NCAM2: variants seen among roughly 807,000 people sequenced by gnomAD.
NCAM2 encodes N-CAM-2.
Under a neutral mutation model 98.1 loss-of-function variants are expected in NCAM2, and 30 were observed. That is an observed-to-expected ratio of 0.31 (90% CI 0.23 to 0.41). The LOEUF (loss-of-function observed/expected upper bound fraction) is 0.41, where lower values mean the gene tolerates loss of function less well. NCAM2 is among the 10% of genes least tolerant of loss of function. NCAM2 has a pLI of 1.00. For synonymous variants in NCAM2, 368 were observed against 342.4 expected (o/e 1.07, Z -0.83); for missense variants, 867 against 1,005.8 (o/e 0.86, Z 1.87).
chr21:21,121,676 G>A (rs2066677323), intron 1 of NCAM2, among the ~76,000 whole-genome samples: 1 of 152,086 alleles, frequency 6.6e-6, no homozygotes, highest in African/African-American at 2.4e-5. Flanking sequence ...GCCAGTTGAA[G>A]CAAAAAAGGA....
intron 6 of NCAM2, among the ~76,000 whole-genome samples, chr21:21,335,158 A>G (rs890840582): frequency 6.6e-6 from 1 of 152,232 alleles, no homozygotes; most frequent in African/African-American, 2.4e-5. Context: ...TTGTCTCACC[A>G]ACATTTAATT....
intron 1 of NCAM2, among the ~76,000 whole-genome samples, chr21:21,084,960 T>C (rs1443815331): frequency 6.6e-6 from 1 of 152,190 alleles, no homozygotes; most frequent in Non-Finnish European, 1.5e-5. Flanking sequence ...ACTGTGCTGG[T>C]GTGATTTTAC....
chr21:21,054,312 C>G (rs2065171302), intron 1 of NCAM2, among the ~76,000 whole-genome samples: 1 of 151,900 alleles, frequency 6.6e-6, no homozygotes, highest in Non-Finnish European at 1.5e-5. Context: ...GATATTCAAA[C>G]AGATGGGTTA....
chr21:21,258,568 AC>A (rs760776305), intron 1 of NCAM2, among the ~76,000 whole-genome samples: 1 of 152,114 alleles, frequency 6.6e-6, no homozygotes, highest in African/African-American at 2.4e-5. Flanking sequence ...GAGGCCCTCC[AC>A]CCTCAGGACC....
intron 9 of NCAM2, among the ~76,000 whole-genome samples, chr21:21,388,551 T>A (rs769067354): frequency 2.0e-5 from 3 of 152,124 alleles, no homozygotes; most frequent in Non-Finnish European, 4.4e-5. Flanking sequence ...CCAGATGTTA[T>A]AGAGATGTGC....
intron 1 of NCAM2, chr21:21,210,586 C>T: frequency 7.8e-7 from 1 of 1,288,864 alleles, no homozygotes; most frequent in African/African-American, 1.5e-5. Flanking sequence ...TTCAGGAGGA[C>T]AAGTTTACCT....
intron 1 of NCAM2, among the ~76,000 whole-genome samples, chr21:21,212,839 C>T (rs1303846638): frequency 2.0e-5 from 3 of 149,634 alleles, no homozygotes; most frequent in South Asian, 2.1e-4. Context: ...GCCTCCCGGG[C>T]TCACGCCATT....
intron 1 of NCAM2, among the ~76,000 whole-genome samples, chr21:21,139,128 G>A (rs1284793369): frequency 6.6e-6 from 1 of 152,200 alleles, no homozygotes; most frequent in Non-Finnish European, 1.5e-5. Context: ...ATTCAGACAA[G>A]TGTCTTTATA....
intron 1 of NCAM2, among the ~76,000 whole-genome samples, chr21:21,136,609 A>T (rs2067056290): frequency 6.7e-6 from 1 of 149,542 alleles, no homozygotes; most frequent in African/African-American, 2.5e-5. Context: ...TTATAGGTGC[A>T]GGCCACCACG....
At chr21:21,048,502 C>T (rs756442112) in intron 1 of NCAM2, among the ~76,000 whole-genome samples, 5 of 151,992 alleles carry the variant, frequency 3.3e-5, no homozygotes, top group Non-Finnish European at 5.9e-5. Flanking sequence ...TACAGGTGCC[C>T]GCCACACGCC....
intron 1 of NCAM2, among the ~76,000 whole-genome samples, chr21:21,013,441 G>A (rs184091421): frequency 1.3e-5 from 2 of 152,288 alleles, no homozygotes; most frequent in African/African-American, 4.8e-5. Context: ...GAGGTGAGGC[G>A]AGACAGGTGA....
chr21:21,462,291 G>A (rs2054348991), intron 12 of NCAM2, among the ~76,000 whole-genome samples: 1 of 151,940 alleles, frequency 6.6e-6, no homozygotes, highest in African/African-American at 2.4e-5. Context: ...CGTTGAATAG[G>A]ACAAAAACCC....
At chr21:21,104,000 TAGA>T (rs2066294682) in intron 1 of NCAM2, among the ~76,000 whole-genome samples, 1 of 152,040 alleles carries the variant, frequency 6.6e-6, no homozygotes, top group Non-Finnish European at 1.5e-5. Flanking sequence ...CACTACAGAG[TAGA>T]AGAACAAAGA....
At chr21:21,428,551 T>C (rs998122098) in intron 11 of NCAM2, among the ~76,000 whole-genome samples, 2 of 152,086 alleles carry the variant, frequency 1.3e-5, no homozygotes, top group Non-Finnish European at 2.9e-5. Flanking sequence ...AGACATCCAA[T>C]AGAAAAGGAA....
intron 9 of NCAM2, among the ~76,000 whole-genome samples, chr21:21,386,186 A>G (rs1018392079): frequency 9.9e-5 from 15 of 152,172 alleles, no homozygotes; most frequent in Admixed American, 7.9e-4. Context: ...TTCTCTATAT[A>G]TAAAGTGATT....
rs529308672 is a variant in NCAM2, at chr21:21,249,635, T to G, written c.56-30943T>G. ...TTACAATAAATGGCTTCTTAGAATCTAGTACTTTCTTTAGCAGACAATCAG... is the reference window on the plus strand; with the variant it reads ...TTACAATAAATGGCTTCTTAGAATCGAGTACTTTCTTTAGCAGACAATCAG... On this transcript the variant is annotated intron_variant, in intron 1 of 17. Coordinates refer to ENST00000400546, the MANE Select transcript of NCAM2 (RefSeq NM_004540.5). Among the ~76,000 whole-genome samples, 3 of 152,326 alleles carry G rather than the reference T, an allele frequency of 2.0e-5. No homozygotes were observed. The East Asian group carries it at 5.8e-4, about 29-fold the overall frequency.
chr21:21,051,938 G>C (rs1159752172), intron 1 of NCAM2, among the ~76,000 whole-genome samples: 1 of 152,140 alleles, frequency 6.6e-6, no homozygotes, highest in Non-Finnish European at 1.5e-5. Flanking sequence ...ATCATGCTAA[G>C]TTCTCCAGGG....
intron 9 of NCAM2, among the ~76,000 whole-genome samples, chr21:21,409,465 T>C (rs552190882): frequency 6.6e-6 from 1 of 152,294 alleles, no homozygotes; most frequent in African/African-American, 2.4e-5. Context: ...AAAAAATGTT[T>C]AGTTATGTTG....
chr21:21,265,331 A>ATAT (rs2072196612), intron 1 of NCAM2, among the ~76,000 whole-genome samples: 1 of 130,900 alleles, frequency 7.6e-6, no homozygotes, highest in Admixed American at 8.1e-5. Flanking sequence ...ACACATATAT[A>ATAT]ATATATATGT....
Sources: allele counts gnomAD v4.1 joint callset (sites outside exome capture counted in the v4.1 genomes callset), GRCh38; gene constraint gnomAD v4.1.1; transcripts MANE v1.5; gene names NCBI Gene and HGNC (gene_info 2026-07-23, HGNC 2026-07-21).